NALF1: variants seen among roughly 807,000 people sequenced by gnomAD.
NALF1 encodes NALCN channel auxiliary factor 1.
A neutral mutation model predicts 48.4 loss-of-function variants in NALF1; 3 were observed. The ratio of observed to expected loss-of-function variants is 0.06; its 90% confidence interval spans 0.03 to 0.16. NALF1 has a LOEUF of 0.16. Ranked by LOEUF, NALF1 falls within the 10% of genes least tolerant of loss-of-function variation. The pLI is 1.00. For synonymous variants in NALF1, 262 were observed against 245.7 expected, an observed-to-expected ratio of 1.07 and a Z score of -0.62; for missense variants, 526 against 571.5, an observed-to-expected ratio of 0.92 and a Z score of 0.81.
intron 1 of NALF1, among the ~76,000 whole-genome samples, chr13:107,710,914 TACAC>T (rs965695507): frequency 2.0e-5 from 3 of 151,358 alleles, no homozygotes; most frequent in Admixed American, 6.6e-5. Flanking sequence ...TATTAATATA[TACAC>T]ACACACAAAC....
Position 107,534,845 on chromosome 13 carries a change from A to C in NALF1, c.916-324090T>G, listed in dbSNP as rs180957074. ...TAATTATTCTTTTGATTGTATGGTA[A>C]AGTACAGAGTATTCAGTGTGAAGCA... On this transcript the variant is annotated intron_variant, in intron 1 of 2. Coordinates refer to ENST00000375915, the MANE Select transcript of NALF1 (RefSeq NM_001080396.3). 7.2e-5 allele frequency among the ~76,000 whole-genome samples: 11 copies of C among 152,230 alleles called. No individual in the cohort carries two copies. In the East Asian group the frequency reaches 1.9e-3, roughly 27 times the overall value.
At chr13:107,568,977 A>G (rs1877899419) in intron 1 of NALF1, among the ~76,000 whole-genome samples, 1 of 152,166 alleles carries the variant, frequency 6.6e-6, no homozygotes. Context: ...TATGCTTGTG[A>G]TGTCCAATCT....
At chr13:107,622,868 C>A (rs113652284) in intron 1 of NALF1, among the ~76,000 whole-genome samples, 1 of 152,160 alleles carries the variant, frequency 6.6e-6, no homozygotes, top group Admixed American at 6.5e-5. Context: ...ATCCCATCTA[C>A]GGAGTTTTCT....
intron 1 of NALF1, among the ~76,000 whole-genome samples, chr13:107,380,092 G>A (rs948192747): frequency 2.6e-5 from 4 of 151,944 alleles, no homozygotes; most frequent in East Asian, 1.9e-4. Flanking sequence ...TCTATGATAC[G>A]GGAAAAGTAA....
chr13:107,554,327 C>CG (rs1877389112), intron 1 of NALF1, among the ~76,000 whole-genome samples: 1 of 152,014 alleles, frequency 6.6e-6, no homozygotes, highest in Non-Finnish European at 1.5e-5. Flanking sequence ...GCCAGAAGTC[C>CG]GGGGGGAAAA....
intron 1 of NALF1, among the ~76,000 whole-genome samples, chr13:107,773,073 T>C (rs1877623591): frequency 6.6e-6 from 1 of 152,174 alleles, no homozygotes; most frequent in Non-Finnish European, 1.5e-5. Flanking sequence ...ACATGAATAA[T>C]TTACAATTCC....
intron 1 of NALF1, among the ~76,000 whole-genome samples, chr13:107,731,139 T>A (rs1352163797): frequency 6.6e-6 from 1 of 152,156 alleles, no homozygotes; most frequent in Non-Finnish European, 1.5e-5. Context: ...AGGCAGCTAG[T>A]ATGCTGATTA....
At chr13:107,811,300 T>A (rs908137739) in intron 1 of NALF1, among the ~76,000 whole-genome samples, 1 of 152,192 alleles carries the variant, frequency 6.6e-6, no homozygotes, top group Non-Finnish European at 1.5e-5. Flanking sequence ...ATTTCTCTTT[T>A]GTCCACTTAA....
In NALF1 at chr13:107,169,650, C is replaced by T. The variant is rs1170061098; in HGVS notation, c.*847G>A. 1 of 152,334 alleles carries T rather than the reference C, an allele frequency of 6.6e-6. No homozygotes were observed. Among genetic ancestry groups the T allele is most frequent in the East Asian group, 1.9e-4 (1 of 5,190 alleles). 9.4% of individuals were successfully genotyped at this position (152,334 alleles called of 1,614,324 possible). Reference sequence around the variant, plus strand: ...TCATGATAGTTTTTTTTAATTTTTTCCTTTTATTTTGTTTTCAACATAAAA... The same window carrying T: ...TCATGATAGTTTTTTTTAATTTTTTTCTTTTATTTTGTTTTCAACATAAAA... On this transcript the variant is annotated 3_prime_UTR_variant, in exon 3 of 3. Transcript: ENST00000375915.
At chr13:107,691,634 T>G (rs1881570898) in intron 1 of NALF1, among the ~76,000 whole-genome samples, 1 of 152,240 alleles carries the variant, frequency 6.6e-6, no homozygotes, top group Non-Finnish European at 1.5e-5. Context: ...ATTTATACTG[T>G]GCAATTTATT....
chr13:107,618,583 G>A (rs1879441163), intron 1 of NALF1, among the ~76,000 whole-genome samples: 1 of 152,198 alleles, frequency 6.6e-6, no homozygotes, highest in Non-Finnish European at 1.5e-5. Flanking sequence ...AGAGATGGCA[G>A]TGGCCGGACC....
chr13:107,535,378 T>A (rs1471283215), intron 1 of NALF1, among the ~76,000 whole-genome samples: 1 of 151,904 alleles, frequency 6.6e-6, no homozygotes, highest in East Asian at 1.9e-4. Context: ...TTCTTGAGAG[T>A]TTTTAGCATG....
chr13:107,174,499 G>C (rs948867402), intron 2 of NALF1, among the ~76,000 whole-genome samples: 8 of 151,800 alleles, frequency 5.3e-5, no homozygotes, highest in East Asian at 1.9e-4. Context: ...GGAACTACAG[G>C]CTCCCGCCAA....
chr13:107,458,176 T>A (rs1256170071), intron 1 of NALF1, among the ~76,000 whole-genome samples: 2 of 152,200 alleles, frequency 1.3e-5, no homozygotes, highest in African/African-American at 4.8e-5. Flanking sequence ...AAACAGTATA[T>A]TCTATGTCAG....
chr13:107,691,858 G>A (rs1030734049), intron 1 of NALF1, among the ~76,000 whole-genome samples: 1 of 152,152 alleles, frequency 6.6e-6, no homozygotes, highest in African/African-American at 2.4e-5. Context: ...TGGAGAAGAT[G>A]TATGTTTTCT....
At chr13:107,376,026 G>A (rs1883330028) in intron 1 of NALF1, among the ~76,000 whole-genome samples, 1 of 152,116 alleles carries the variant, frequency 6.6e-6, no homozygotes, top group African/African-American at 2.4e-5. Flanking sequence ...GCTAGATCAT[G>A]AAGAATTTTG....
intron 1 of NALF1, among the ~76,000 whole-genome samples, chr13:107,626,169 A>G (rs1271686982): frequency 6.6e-6 from 1 of 152,064 alleles, no homozygotes; most frequent in Non-Finnish European, 1.5e-5. Context: ...TACCACCTTC[A>G]TAAGTCTATC....
At chr13:107,443,307 C>T (rs1481792116) in intron 1 of NALF1, among the ~76,000 whole-genome samples, 1 of 152,084 alleles carries the variant, frequency 6.6e-6, no homozygotes, top group Non-Finnish European at 1.5e-5. Context: ...CCTCTACCTC[C>T]GGGGTTCAAG....
At chr13:107,848,687 A>C (rs1227361180) in intron 1 of NALF1, among the ~76,000 whole-genome samples, 2 of 152,192 alleles carry the variant, frequency 1.3e-5, no homozygotes, top group Non-Finnish European at 2.9e-5. Flanking sequence ...TTCAGCCTCA[A>C]ACTGTATCTA....
Sources: gnomAD v4.1 joint callset for allele counts (sites outside exome capture counted in the v4.1 genomes callset) on GRCh38, gnomAD v4.1.1 for gene constraint, MANE v1.5 for transcripts, NCBI Gene and HGNC (gene_info 2026-07-23, HGNC 2026-07-21) for gene names.